Variants in BBS5 observed in about 807,000 individuals in gnomAD.
BBS5 encodes the protein BBSome complex member BBS5.
BBS5 carries 39 observed loss-of-function variants against 50.2 expected under a neutral mutation model. That is an observed-to-expected ratio of 0.78 (90% CI 0.60 to 1.01). The LOEUF is 1.01. Ranked by LOEUF, BBS5 falls within the 50% of genes least tolerant of loss-of-function variation. The probability of loss-of-function intolerance (pLI) is 0.00; values close to 1 mark genes in which losing one functional copy is unlikely to be tolerated. For missense variants in BBS5, 356 were observed against 401.5 expected (o/e 0.89, Z 0.97); for synonymous variants, 134 against 133.1 (o/e 1.01, Z -0.05).
At chr2:169,486,777 C>CA (rs1683494345) in intron 2 of BBS5, among the ~76,000 whole-genome samples, 1 of 151,964 alleles carries the variant, frequency 6.6e-6, no homozygotes, top group African/African-American at 2.4e-5. Context: ...TCTACCAAGA[C>CA]AAAAAAACTA....
intron 1 of BBS5, among the ~76,000 whole-genome samples, chr2:169,481,009 T>A (rs1683382726): frequency 6.6e-6 from 1 of 152,164 alleles, no homozygotes; most frequent in African/African-American, 2.4e-5. Context: ...GGGTTCTTAA[T>A]CCAAACAAAA....
Position 169,504,926 on chromosome 2 carries a change from T to A in BBS5, c.*344T>A. The A allele has an allele frequency of 4.3e-6, 7 of 1,613,604 alleles. No homozygotes were observed. In the African/African-American group the frequency reaches 5.3e-5, roughly 12 times the overall value. On this transcript the variant is annotated 3_prime_UTR_variant, in exon 12 of 12. Transcript: ENST00000295240. Reference sequence around the variant, plus strand: ...AGCCAATGGGGACGTTGCGGCCCAGTGGGTGGAGGTCCAAAGAGGACTGGT... The same window carrying A: ...AGCCAATGGGGACGTTGCGGCCCAGAGGGTGGAGGTCCAAAGAGGACTGGT...
intron 8 of BBS5, among the ~76,000 whole-genome samples, chr2:169,498,824 A>AC (rs1683745310): frequency 6.6e-6 from 1 of 151,450 alleles, no homozygotes; most frequent in Admixed American, 6.6e-5. Context: ...AAAAAAAAAA[A>AC]GAAAGGAAGG....
At chr2:169,499,760 A>AG (rs1406467395) in intron 9 of BBS5, 140 bp downstream of exon 9, 2 of 867,358 alleles carry the variant, frequency 2.3e-6, no homozygotes, top group Non-Finnish European at 3.7e-6. Flanking sequence ...AAGTGGGCAT[A>AG]GCTCCTGGAT....
At chr2:169,494,218 T>C (rs1683654087) in intron 7 of BBS5, among the ~76,000 whole-genome samples, 2 of 152,226 alleles carry the variant, frequency 1.3e-5, no homozygotes, top group African/African-American at 2.4e-5. Flanking sequence ...TTTAGCACAC[T>C]GATCCACAGT....
At position 169,499,537 on chromosome 2, in the gene BBS5, G is replaced by A; in HGVS notation, c.733G>A (p.Glu245Lys). The A allele has an allele frequency of 6.2e-7, 1 of 1,613,310 alleles. No individual in the cohort carries two copies. Among genetic ancestry groups the A allele is most frequent in the Middle Eastern group, 1.7e-4 (1 of 6,058 alleles). Residue 245 changes from glutamate (E) to lysine (K), a missense_variant, in exon 9 of 12, where the codon GAA becomes AAA. Coordinates refer to ENST00000295240, the MANE Select transcript of BBS5 (RefSeq NM_152384.3). ...FKIDPVEKLQ[E>K]SVKEINSLHK... ...AATAGATCCTGTGGAAAAACTACAAGAATCAGTTAAGGAAATCAATTCACT... is the reference window on the plus strand; with the variant it reads ...AATAGATCCTGTGGAAAAACTACAAAAATCAGTTAAGGAAATCAATTCACT...
rs758508869 is a variant in BBS5, at chr2:169,493,760, T to C, written c.542T>C (p.Phe181Ser). The change falls in exon 7 of 12, where the codon TTT becomes TCT. Residue 181 changes from phenylalanine to serine, a missense_variant. Physicochemically the swap from Phe to Ser is radical, Grantham distance 155. Coordinates refer to ENST00000295240, the MANE Select transcript of BBS5 (RefSeq NM_152384.3). ...SSDQGNLGTF[F>S]ITNVRIVWHA... is the part of the protein sequence containing the mutation. ...TTACAGGGCAATTTAGGAACCTTTT[T>C]TATTACCAATGTGAGAATTGTGTGG... is the stretch of plus-strand genomic sequence containing the variant. 40 of 1,612,462 alleles carry C rather than the reference T, an allele frequency of 2.5e-5. 1 individual carries two copies. The highest frequency in any genetic ancestry group is 1.8e-4 in the East Asian group (8 of 44,794).
At chr2:169,480,686 T>C (rs1272825725) in intron 1 of BBS5, among the ~76,000 whole-genome samples, 2 of 138,064 alleles carry the variant, frequency 1.4e-5, no homozygotes, top group African/African-American at 5.4e-5. Flanking sequence ...TTTTTTTTTT[T>C]TTTTTTTTTT....
chr2:169,491,729 G>A (rs903900516), intron 5 of BBS5, among the ~76,000 whole-genome samples: 2 of 150,840 alleles, frequency 1.3e-5, no homozygotes. Flanking sequence ...TTTGGAATCA[G>A]TACAGATTCA....
intron 1 of BBS5, among the ~76,000 whole-genome samples, chr2:169,479,977 A>T (rs1016667651): frequency 6.6e-6 from 1 of 152,200 alleles, no homozygotes; most frequent in Non-Finnish European, 1.5e-5. Flanking sequence ...CATGGAAGGA[A>T]CGTAGGTCAG....
Position 169,487,921 on chromosome 2 carries a change from T to C in BBS5, c.258+66T>C, listed in dbSNP as rs911032285. 6 of 1,596,232 alleles carry C rather than the reference T, an allele frequency of 3.8e-6. No individual in the cohort carries two copies. In the African/African-American group the frequency reaches 5.4e-5, roughly 14 times the overall value. On this transcript the variant is annotated intron_variant, in intron 4 of 11. Coordinates refer to ENST00000295240, the MANE Select transcript of BBS5 (RefSeq NM_152384.3). The stretch of plus-strand genomic sequence containing the variant: ...GAAACTAGATATTTGAGATTGATGT[T>C]TGTTTTCACTATAAAGGAGAAATTG...
intron 8 of BBS5, among the ~76,000 whole-genome samples, chr2:169,498,625 G>A (rs941534451): frequency 6.6e-6 from 1 of 151,978 alleles, no homozygotes; most frequent in African/African-American, 2.4e-5. Flanking sequence ...AGACCACGGT[G>A]AAACCCTGTC....
chr2:169,505,814 C>G lies in BBS5; in HGVS notation c.*1232C>G. The G allele has an allele frequency of 6.1e-6, 1 of 165,238 alleles. No individual in the cohort carries two copies. Among genetic ancestry groups the G allele is most frequent in the African/African-American group, 2.4e-5 (1 of 41,214 alleles). The allele number at this position is 165,238 out of a possible 1,614,324, so 10.2% of individuals were successfully genotyped here. A position where few individuals can be genotyped will look rare whatever the true frequency, so the allele number is the denominator to read the frequency against. On this transcript the variant is annotated 3_prime_UTR_variant, in exon 12 of 12. Transcript: ENST00000295240. Reference sequence around the variant, plus strand: ...CGTCTCCGCCCGGCAGCCACCCAGTCCGGGAGGGAGGTGGGGGGGTCAGTC... The same window carrying G: ...CGTCTCCGCCCGGCAGCCACCCAGTGCGGGAGGGAGGTGGGGGGGTCAGTC...
chr2:169,494,745 T>C (rs986991769), intron 7 of BBS5, among the ~76,000 whole-genome samples: 1 of 152,178 alleles, frequency 6.6e-6, no homozygotes, highest in African/African-American at 2.4e-5. Flanking sequence ...TATAGAATTC[T>C]AGAACAAATT....
chr2:169,486,489 G>A (rs182613302), intron 2 of BBS5, among the ~76,000 whole-genome samples: 1 of 152,260 alleles, frequency 6.6e-6, no homozygotes, highest in East Asian at 1.9e-4. Flanking sequence ...TTCAGTGTAT[G>A]AACATCAGTC....
At chr2:169,482,158 C>CATAAATA in intron 1 of BBS5, 93 bp from the exon 2 acceptor site, 1 of 809,314 alleles carries the variant, frequency 1.2e-6, no homozygotes, top group South Asian at 1.4e-5. Context: ...ATGCTGTTAG[C>CATAAATA]TGTTTTATGT....
intron 5 of BBS5, among the ~76,000 whole-genome samples, chr2:169,489,705 AT>A (rs544111691): frequency 2.0e-5 from 3 of 150,168 alleles, no homozygotes; most frequent in African/African-American, 7.4e-5. Context: ...AAGTGCTATG[AT>A]TTTTTTTAAG....
chr2:169,480,117 C>T (rs1683363365), intron 1 of BBS5, among the ~76,000 whole-genome samples: 1 of 152,022 alleles, frequency 6.6e-6, no homozygotes, highest in Non-Finnish European at 1.5e-5. Context: ...GGGAGTAAGG[C>T]AGTCGTCAAA....
chr2:169,501,717 A>G (rs981925203), intron 9 of BBS5, among the ~76,000 whole-genome samples: 2 of 152,138 alleles, frequency 1.3e-5, no homozygotes, highest in African/African-American at 4.8e-5. Context: ...CACTGCAGCA[A>G]TGACCTATCT....
Sources: gnomAD v4.1 joint callset for allele counts (sites outside exome capture counted in the v4.1 genomes callset) on GRCh38, gnomAD v4.1.1 for gene constraint, MANE v1.5 for transcripts, NCBI Gene and HGNC (gene_info 2026-07-23, HGNC 2026-07-21) for gene names.